The following GOLGA4 variants were observed in gnomAD, a reference collection of about 807,000 sequenced individuals.
The protein encoded by GOLGA4 is golgin A4.
A neutral mutation model predicts 265.9 loss-of-function variants in GOLGA4; 169 were observed. The observed-to-expected ratio is 0.64, with a 90% CI of 0.56 to 0.72. The LOEUF is 0.72. Ranked by LOEUF, GOLGA4 falls within the 30% of genes least tolerant of loss-of-function variation. The pLI is 0.00. For missense variants in GOLGA4, 2,482 were observed against 2,483.4 expected (o/e 1.00, Z 0.01); for synonymous variants, 923 against 855.8 (o/e 1.08, Z -1.37).
chr3:37,248,612 A>T (rs2096725852), intron 1 of GOLGA4, among the ~76,000 whole-genome samples: 1 of 152,206 alleles, frequency 6.6e-6, no homozygotes, highest in Admixed American at 6.5e-5. Context: ...GTAACTCCAG[A>T]GGAAGATCCA....
intron 2 of GOLGA4, among the ~76,000 whole-genome samples, chr3:37,266,025 C>CAAA (rs745369147): frequency 2.1e-5 from 2 of 97,064 alleles, no homozygotes; most frequent in Non-Finnish European, 3.9e-5. Context: ...GACCTTGTCT[C>CAAA]AAAAAAAAAA....
chr3:37,361,392 C>G (rs1696259467), intron 23 of GOLGA4, 87 bp downstream of exon 23: 1 of 868,630 alleles, frequency 1.2e-6, no homozygotes, highest in Admixed American at 2.0e-5. Context: ...TTCTTTTGCT[C>G]TTGTTTAATA....
At chr3:37,259,440 T>A (rs1007748348) in intron 2 of GOLGA4, among the ~76,000 whole-genome samples, 2 of 152,240 alleles carry the variant, frequency 1.3e-5, no homozygotes, top group African/African-American at 4.8e-5. Flanking sequence ...AAGCAGCCCA[T>A]GCTCAAATGA....
chr3:37,292,120 T>G (rs1007276745), intron 5 of GOLGA4, among the ~76,000 whole-genome samples: 1 of 152,192 alleles, frequency 6.6e-6, no homozygotes, highest in African/African-American at 2.4e-5. Context: ...AAATGAAAAC[T>G]TGCAAAATCT....
chr3:37,349,545 A>G (rs2097067172), intron 21 of GOLGA4, among the ~76,000 whole-genome samples: 1 of 152,130 alleles, frequency 6.6e-6, no homozygotes, highest in African/African-American at 2.4e-5. Context: ...AAGGGGAAGT[A>G]ATTTAACTTA....
chr3:37,315,301 A>G (rs1451220467), intron 10 of GOLGA4, 119 bp from the exon 11 acceptor site: 4 of 807,804 alleles, frequency 5.0e-6, no homozygotes, highest in Non-Finnish European at 7.8e-6. Flanking sequence ...TAGAACAGTG[A>G]TGAGTTTTTT....
At chr3:37,276,680 T>A in intron 2 of GOLGA4, 1 of 1,277,960 alleles carries the variant, frequency 7.8e-7, no homozygotes, top group East Asian at 2.5e-5. Context: ...GCAACTAGTT[T>A]TCCTGCAAAT....
At chr3:37,247,889 G>A (rs2096723713) in intron 1 of GOLGA4, among the ~76,000 whole-genome samples, 1 of 152,162 alleles carries the variant, frequency 6.6e-6, no homozygotes, top group East Asian at 1.9e-4. Flanking sequence ...TTTCTTTCAG[G>A]ACAGCAGAAG....
rs1441051052 is a variant in GOLGA4 at position 37,302,323 on chromosome 3, G to A, written c.1225G>A (p.Glu409Lys). The A allele has an allele frequency of 2.6e-5, 42 of 1,613,166 alleles. No homozygotes were observed. The highest frequency in any genetic ancestry group is 3.5e-5 in the Non-Finnish European group (41 of 1,179,468). Residue 409 changes from glutamate to lysine, a missense_variant, in exon 10 of 24, where the codon GAA (glutamate) becomes AAA (lysine). Physicochemically the swap from Glu to Lys is moderately conservative, Grantham distance 56. Coordinates refer to ENST00000361924, the MANE Select transcript of GOLGA4 (RefSeq NM_002078.5). ...EELREQKEKSERAAFEELEKA... is the reference protein window; with the variant it reads ...EELREQKEKSKRAAFEELEKA... ...ATTACGGGAACAGAAAGAAAAGTCCGAAAGAGCTGGTAAGAACTTGAGGGT... is the reference window on the plus strand; with the variant it reads ...ATTACGGGAACAGAAAGAAAAGTCCAAAAGAGCTGGTAAGAACTTGAGGGT...
chr3:37,275,215 C>CAAAAAAA (rs749758741), intron 2 of GOLGA4, among the ~76,000 whole-genome samples: 3 of 44,974 alleles, frequency 6.7e-5, no homozygotes, highest in Admixed American at 3.5e-4. Flanking sequence ...GACTCCGTCT[C>CAAAAAAA]AAAAAAAAAA....
rs777779410 is a variant in GOLGA4, at chr3:37,325,552, G to C, written c.3666G>C (p.Lys1222Asn). 6.2e-7 allele frequency: 1 copy of C among 1,613,670 alleles called. No homozygotes were observed. Among genetic ancestry groups the C allele is most frequent in the Non-Finnish European group, 8.5e-7 (1 of 1,179,740 alleles). Residue 1222 changes from lysine (K) to asparagine (N), a missense_variant, in exon 14 of 24, where the codon AAG (lysine) becomes AAC (asparagine). Transcript: ENST00000361924. ...ELAIQLDICC[K>N]KTEALLEAKT... ...CGATTCAGCTAGATATTTGCTGTAAGAAAACCGAAGCCTTATTAGAAGCTA... is the reference window on the plus strand; with the variant it reads ...CGATTCAGCTAGATATTTGCTGTAACAAAACCGAAGCCTTATTAGAAGCTA...
chr3:37,282,594 T>C (rs926440539), intron 3 of GOLGA4, among the ~76,000 whole-genome samples: 16 of 152,242 alleles, frequency 1.1e-4, no homozygotes, highest in African/African-American at 3.9e-4. Context: ...GTGGAGTTCA[T>C]CTTCTGGCTC....
intron 10 of GOLGA4, among the ~76,000 whole-genome samples, chr3:37,303,426 G>T (rs2096898167): frequency 6.6e-6 from 1 of 152,188 alleles, no homozygotes; most frequent in South Asian, 2.1e-4. Flanking sequence ...GGAGGCAGAA[G>T]AAAAGTAAGG....
chr3:37,353,668 G>A (rs1217026755), intron 21 of GOLGA4, among the ~76,000 whole-genome samples: 2 of 152,138 alleles, frequency 1.3e-5, no homozygotes, highest in Non-Finnish European at 2.9e-5. Flanking sequence ...CAAGTAGCTT[G>A]TAATACAGAC....
intron 1 of GOLGA4, among the ~76,000 whole-genome samples, chr3:37,248,430 A>G (rs771172197): frequency 2.0e-5 from 3 of 152,242 alleles, no homozygotes; most frequent in Non-Finnish European, 4.4e-5. Context: ...GGCTATTGCA[A>G]TTAATCAGCT....
intron 12 of GOLGA4, 87 bp from the exon 13 acceptor site, chr3:37,321,644 A>G (rs564678177): frequency 4.0e-6 from 5 of 1,238,154 alleles, no homozygotes; most frequent in African/African-American, 1.5e-5. Context: ...GTGCAGATCA[A>G]AAGAAATGAA....
At chr3:37,355,255 A>G in intron 22 of GOLGA4, 68 bp downstream of exon 22, 1 of 847,980 alleles carries the variant, frequency 1.2e-6, no homozygotes, top group South Asian at 1.4e-5. Flanking sequence ...TCTCATTTAT[A>G]AGGACTTTTG....
chr3:37,284,882 C>T (rs1008185492), intron 3 of GOLGA4, among the ~76,000 whole-genome samples: 1 of 152,062 alleles, frequency 6.6e-6, no homozygotes, highest in African/African-American at 2.4e-5. Context: ...CCAGGCTGGT[C>T]TCCAGCTCCT....
Position 37,299,288 on chromosome 3 carries a change from G to T in GOLGA4, c.1003G>T (p.Asp335Tyr). 1 of 1,601,522 alleles carries T rather than the reference G, an allele frequency of 6.2e-7. No individual in the cohort carries two copies. The highest frequency in any genetic ancestry group is 8.5e-7 in the Non-Finnish European group (1 of 1,170,710). Residue 335 changes from aspartate to tyrosine, a missense_variant and splice_region_variant, in exon 9 of 24, where the codon GAC (aspartate) becomes TAC (tyrosine). By Grantham distance (160) the Asp-to-Tyr change is radical (BLOSUM62 -3). Coordinates refer to ENST00000361924, the MANE Select transcript of GOLGA4 (RefSeq NM_002078.5). ...AAATGAATTTAAAAATTTTTTTTAG[G>T]ACCTTCATATGGCCGAGAAGACTAA... Reference protein sequence around the residue: ...ERLQELEKIKDLHMAEKTKLI... With the variant: ...ERLQELEKIKYLHMAEKTKLI...
Sources: allele counts gnomAD v4.1 joint callset (sites outside exome capture counted in the v4.1 genomes callset), GRCh38; gene constraint gnomAD v4.1.1; transcripts MANE v1.5; gene names NCBI Gene and HGNC (gene_info 2026-07-23, HGNC 2026-07-21).